The following TSPAN9 variants were observed in gnomAD, a reference collection of about 807,000 sequenced individuals.
TSPAN9 encodes the protein tetraspanin-9.
Under a neutral mutation model 31.0 loss-of-function variants are expected in TSPAN9, and 16 were observed. The ratio of observed to expected loss-of-function variants is 0.52; its 90% CI spans 0.35 to 0.78. The LOEUF (loss-of-function observed/expected upper bound fraction) is 0.78. TSPAN9 is among the 30% of genes least tolerant of loss of function. TSPAN9 has a pLI of 0.01. For missense variants in TSPAN9, 272 were observed against 312.5 expected, an observed-to-expected ratio of 0.87 and a Z score of 0.98; for synonymous variants, 145 against 121.6, an observed-to-expected ratio of 1.19 and a Z score of -1.27.
chr12:3,173,097 C>G (rs2098352983), intron 2 of TSPAN9: 1 of 152,418 alleles, frequency 6.6e-6, no homozygotes, highest in Non-Finnish European at 1.5e-5. Flanking sequence ...CCTTTGCTGT[C>G]CTGCAAAGTG....
At chr12:3,217,192 G>A (rs184152316) in intron 3 of TSPAN9, among the ~76,000 whole-genome samples, 1 of 152,334 alleles carries the variant, frequency 6.6e-6, no homozygotes, top group African/African-American at 2.4e-5. Context: ...TAACTGAGGA[G>A]CTGAGCCTTC....
chr12:3,148,746 G>A (rs2098338512), intron 2 of TSPAN9, among the ~76,000 whole-genome samples: 1 of 152,248 alleles, frequency 6.6e-6, no homozygotes, highest in Admixed American at 6.5e-5. Context: ...CTGAGTCTCT[G>A]CATCCTCTCC....
At chr12:3,136,643 C>T (rs1487042249) in intron 2 of TSPAN9, among the ~76,000 whole-genome samples, 1 of 152,124 alleles carries the variant, frequency 6.6e-6, no homozygotes, top group Non-Finnish European at 1.5e-5. Context: ...TGCCTGAGGT[C>T]AGGGCAACTG....
chr12:3,272,899 A>G (rs1862709755), intron 3 of TSPAN9: 1 of 152,296 alleles, frequency 6.6e-6, no homozygotes, highest in Non-Finnish European at 1.5e-5. Flanking sequence ...ACTGAAGACA[A>G]GGAAGACACC....
chr12:3,115,847 C>T (rs2098322055), intron 2 of TSPAN9, among the ~76,000 whole-genome samples: 1 of 152,190 alleles, frequency 6.6e-6, no homozygotes, highest in Non-Finnish European at 1.5e-5. Flanking sequence ...GTGTGTTGAA[C>T]TGTTTAAAGA....
intron 3 of TSPAN9, chr12:3,206,233 A>G (rs753360264): frequency 6.8e-6 from 3 of 441,470 alleles, no homozygotes; most frequent in Non-Finnish European, 1.4e-5. Context: ...AGTTGGGTCC[A>G]TTCACTCATG....
intron 2 of TSPAN9, among the ~76,000 whole-genome samples, chr12:3,184,155 C>T (rs1255552714): frequency 1.3e-5 from 2 of 151,888 alleles, no homozygotes; most frequent in Non-Finnish European, 2.9e-5. Context: ...TTTGGGGGGC[C>T]GAGGTGGGCA....
chr12:3,122,830 G>T (rs985338527), intron 2 of TSPAN9, among the ~76,000 whole-genome samples: 1 of 152,150 alleles, frequency 6.6e-6, no homozygotes, highest in African/African-American at 2.4e-5. Context: ...CCTACACCTT[G>T]GTTTCTATTT....
intron 2 of TSPAN9, among the ~76,000 whole-genome samples, chr12:3,138,274 G>C (rs1449174944): frequency 6.6e-6 from 1 of 152,166 alleles, no homozygotes; most frequent in Non-Finnish European, 1.5e-5. Context: ...AGAGCCCTGG[G>C]GCTGGCTGGG....
chr12:3,185,234 C>G (rs542543502), intron 2 of TSPAN9, among the ~76,000 whole-genome samples: 6 of 152,244 alleles, frequency 3.9e-5, no homozygotes, highest in Non-Finnish European at 7.4e-5. Flanking sequence ...TTGGGGGACT[C>G]GGCGGATAAG....
At chr12:3,122,550 C>T (rs7963344) in intron 2 of TSPAN9, among the ~76,000 whole-genome samples, 27,771 of 151,746 alleles carry the variant, frequency 0.18, 2,608 homozygotes, top group Middle Eastern at 0.24. Flanking sequence ...TGAGATACCA[C>T]ACCTGGCCCT....
At chr12:3,136,264 C>G (rs1446177834) in intron 2 of TSPAN9, among the ~76,000 whole-genome samples, 1 of 152,214 alleles carries the variant, frequency 6.6e-6, no homozygotes, top group Non-Finnish European at 1.5e-5. Context: ...CCCTCCTAAT[C>G]AGGTGCAGCT....
intron 3 of TSPAN9, among the ~76,000 whole-genome samples, chr12:3,237,723 T>C (rs1327021143): frequency 1.3e-5 from 2 of 152,076 alleles, no homozygotes; most frequent in South Asian, 2.1e-4. Flanking sequence ...AGTCTCCCCC[T>C]CCCCAGGCAC....
intron 2 of TSPAN9, among the ~76,000 whole-genome samples, chr12:3,119,305 G>GA (rs1439949328): frequency 6.6e-6 from 1 of 152,200 alleles, no homozygotes; most frequent in African/African-American, 2.4e-5. Flanking sequence ...TTATAGGTGA[G>GA]AAAAACAAGG....
chr12:3,081,965 C>G (rs188550235), intron 1 of TSPAN9, among the ~76,000 whole-genome samples: 4 of 151,364 alleles, frequency 2.6e-5, no homozygotes, highest in African/African-American at 4.9e-5. Context: ...TCACTGCACT[C>G]CAGGCTGAGT....
intron 3 of TSPAN9, among the ~76,000 whole-genome samples, chr12:3,248,015 AGACT>A (rs755918632): frequency 1.6e-4 from 24 of 152,354 alleles, no homozygotes; most frequent in East Asian, 9.6e-4. Flanking sequence ...ATCAAATGAC[AGACT>A]GACTGTCTGC....
In TSPAN9 at chr12:3,089,298, A is replaced by AT. The variant is rs1421443366; in HGVS notation, c.-18+5579_-18+5580insT. ...TTAGATTGTAGCAGAATTCAAGGTGAATTTTTTTTTTTTTTTTGAGACAAG... is the reference window on the plus strand; with the variant it reads ...TTAGATTGTAGCAGAATTCAAGGTGATATTTTTTTTTTTTTTTTGAGACAAG... On this transcript the variant is annotated intron_variant, in intron 2 of 8. Transcript: ENST00000011898. Among the ~76,000 whole-genome samples, 4 of 67,412 alleles carry AT rather than the reference A, an allele frequency of 5.9e-5. No individual in the cohort carries two copies. The South Asian group carries it at 2.0e-3, about 34-fold the overall frequency. 44.2% of individuals were successfully genotyped at this position (67,412 alleles called of 152,430 possible).
intron 3 of TSPAN9, among the ~76,000 whole-genome samples, chr12:3,209,760 C>G (rs1374182470): frequency 2.0e-5 from 3 of 151,348 alleles, no homozygotes; most frequent in Admixed American, 1.3e-4. Flanking sequence ...GAGATCGAGA[C>G]CATCCTGGCT....
At chr12:3,213,840 G>T (rs541050423) in intron 3 of TSPAN9, among the ~76,000 whole-genome samples, 362 of 152,348 alleles carry the variant, frequency 2.4e-3, no homozygotes, top group Non-Finnish European at 4.3e-3. Context: ...ACTTGGGGCA[G>T]GGAGGGGCTG....
Sources: gnomAD v4.1 joint callset for allele counts (sites outside exome capture counted in the v4.1 genomes callset) on GRCh38, gnomAD v4.1.1 for gene constraint, MANE v1.5 for transcripts, NCBI Gene and HGNC (gene_info 2026-07-23, HGNC 2026-07-21) for gene names.